The following CDH18 variants were observed in gnomAD, a reference collection of about 807,000 sequenced individuals.
CDH18 encodes cadherin-18.
CDH18 carries 31 observed loss-of-function variants against 67.9 expected under a neutral mutation model. The observed-to-expected ratio is 0.46, with a 90% confidence interval of 0.34 to 0.62. CDH18 has a LOEUF of 0.62. CDH18 is among the 20% of genes least tolerant of loss of function. The probability of loss-of-function intolerance (pLI) is 0.01; values close to 1 mark genes in which losing one functional copy is unlikely to be tolerated. For synonymous variants in CDH18, 362 were observed against 347.2 expected (o/e 1.04, Z -0.48); for missense variants, 890 against 975.5 (o/e 0.91, Z 1.17).
chr5:19,890,200 A>G (rs1788638927), intron 2 of CDH18, among the ~76,000 whole-genome samples: 1 of 151,910 alleles, frequency 6.6e-6, no homozygotes, highest in South Asian at 2.1e-4. Context: ...TGCTGCCTGC[A>G]TTTCTCAGCT....
At chr5:20,329,349 A>C (rs1203051985) in intron 1 of CDH18, among the ~76,000 whole-genome samples, 9 of 152,208 alleles carry the variant, frequency 5.9e-5, no homozygotes, top group African/African-American at 2.2e-4. Flanking sequence ...AATTTATGAA[A>C]GTTTCTGTTT....
intron 5 of CDH18, among the ~76,000 whole-genome samples, chr5:19,674,438 T>C (rs1316248616): frequency 6.6e-6 from 1 of 152,160 alleles, no homozygotes; most frequent in Non-Finnish European, 1.5e-5. Flanking sequence ...TTTTTTAAAA[T>C]AATGTTTAGG....
intron 2 of CDH18, among the ~76,000 whole-genome samples, chr5:20,064,468 G>C (rs1245479823): frequency 6.6e-6 from 1 of 151,896 alleles, no homozygotes; most frequent in Non-Finnish European, 1.5e-5. Flanking sequence ...GGAATGATGT[G>C]TTTCAACAAC....
intron 5 of CDH18, among the ~76,000 whole-genome samples, chr5:19,680,760 A>G (rs1760180888): frequency 6.6e-6 from 1 of 151,964 alleles, no homozygotes; most frequent in Non-Finnish European, 1.5e-5. Context: ...CAAAGTCTAA[A>G]AATATGCTGG....
chr5:20,481,738 T>A (rs1174912084), intron 1 of CDH18, among the ~76,000 whole-genome samples: 1 of 152,048 alleles, frequency 6.6e-6, no homozygotes, highest in Non-Finnish European at 1.5e-5. Flanking sequence ...AAGAAAATTT[T>A]AAAAATTCTT....
chr5:20,154,349 A>G (rs1751360639), intron 2 of CDH18, among the ~76,000 whole-genome samples: 5 of 152,136 alleles, frequency 3.3e-5, no homozygotes, highest in Admixed American at 1.3e-4. Flanking sequence ...TAGTAACACC[A>G]TATCTAAATA....
chr5:20,262,066 A>T (rs538687416), intron 1 of CDH18, among the ~76,000 whole-genome samples: 4 of 151,332 alleles, frequency 2.6e-5, no homozygotes, highest in Non-Finnish European at 5.9e-5. Flanking sequence ...CAACTCCACT[A>T]TATAATATAA....
chr5:20,097,142 G>T (rs888721795), intron 2 of CDH18, among the ~76,000 whole-genome samples: 9 of 151,948 alleles, frequency 5.9e-5, no homozygotes, highest in African/African-American at 2.2e-4. Context: ...GAATTTTCAT[G>T]CATTTTATCT....
intron 1 of CDH18, among the ~76,000 whole-genome samples, chr5:20,505,012 C>G (rs899289718): frequency 6.6e-6 from 1 of 151,952 alleles, no homozygotes; most frequent in Non-Finnish European, 1.5e-5. Flanking sequence ...CGTGATCCAG[C>G]CGCTTCGGCC....
intron 5 of CDH18, among the ~76,000 whole-genome samples, chr5:19,717,177 G>A (rs779161911): frequency 6.6e-6 from 1 of 151,962 alleles, no homozygotes; most frequent in Non-Finnish European, 1.5e-5. Context: ...TTTTAATTTA[G>A]GTTTTCAGGC....
At chr5:19,623,583 C>T (rs1293002905) in intron 5 of CDH18, among the ~76,000 whole-genome samples, 1 of 151,740 alleles carries the variant, frequency 6.6e-6, no homozygotes, top group Non-Finnish European at 1.5e-5. Flanking sequence ...TTATCTTATT[C>T]TGCTTTTTTT....
chr5:19,531,061 G>A (rs987775003), intron 9 of CDH18, among the ~76,000 whole-genome samples: 1 of 152,148 alleles, frequency 6.6e-6, no homozygotes, highest in East Asian at 1.9e-4. Context: ...GCTGGGAGCT[G>A]TAGACCGGAG....
At chr5:19,911,347 A>G (rs1049661183) in intron 2 of CDH18, among the ~76,000 whole-genome samples, 6 of 152,116 alleles carry the variant, frequency 3.9e-5, no homozygotes, top group African/African-American at 1.4e-4. Flanking sequence ...AATGGTTTAG[A>G]AGAGAGTGTT....
At chr5:19,692,597 C>T (rs980035957) in intron 5 of CDH18, among the ~76,000 whole-genome samples, 23 of 151,484 alleles carry the variant, frequency 1.5e-4, no homozygotes, top group Admixed American at 7.9e-4. Flanking sequence ...TCTAATAAAA[C>T]GATATGCAAA....
chr5:19,860,794 C>T (rs1224617518), intron 2 of CDH18, among the ~76,000 whole-genome samples: 1 of 151,898 alleles, frequency 6.6e-6, no homozygotes, highest in Admixed American at 6.6e-5. Flanking sequence ...AAAAGTGAAC[C>T]TAAATACACA....
chr5:19,745,652 A>G (rs1769891021), intron 4 of CDH18, among the ~76,000 whole-genome samples: 1 of 152,136 alleles, frequency 6.6e-6, no homozygotes, highest in South Asian at 2.1e-4. Flanking sequence ...CTCTCCTTGG[A>G]GATCAATAAG....
chr5:19,695,802 G>A (rs1385143944), intron 5 of CDH18, among the ~76,000 whole-genome samples: 1 of 152,152 alleles, frequency 6.6e-6, no homozygotes, highest in African/African-American at 2.4e-5. Context: ...CTTTATGTGT[G>A]TGAGGAGAGT....
intron 1 of CDH18, among the ~76,000 whole-genome samples, chr5:20,447,401 A>T (rs1165560764): frequency 6.6e-6 from 1 of 151,848 alleles, no homozygotes; most frequent in Non-Finnish European, 1.5e-5. Context: ...AGGGCTACAC[A>T]CAGTGTCCAC....
intron 2 of CDH18, among the ~76,000 whole-genome samples, chr5:20,244,561 T>C (rs1156638126): frequency 1.3e-5 from 2 of 152,136 alleles, no homozygotes; most frequent in Non-Finnish European, 1.5e-5. Context: ...TGACTTCTTA[T>C]TGGTTTGTTT....
Sources: gnomAD v4.1 joint callset for allele counts (sites outside exome capture counted in the v4.1 genomes callset) on GRCh38, gnomAD v4.1.1 for gene constraint, MANE v1.5 for transcripts, NCBI Gene and HGNC (gene_info 2026-07-23, HGNC 2026-07-21) for gene names.